Variants in ITGB8 observed in about 807,000 individuals in gnomAD.
ITGB8 encodes the protein integrin beta-8.
ITGB8 carries 30 observed loss-of-function variants against 89.5 expected under a neutral mutation model. The ratio of observed to expected loss-of-function variants is 0.34; its 90% confidence interval spans 0.25 to 0.45. ITGB8 has a LOEUF of 0.45. Ranked by LOEUF, ITGB8 falls within the 20% of genes least tolerant of loss-of-function variation. The pLI is 1.00. For synonymous variants in ITGB8, 335 were observed against 320.4 expected, an observed-to-expected ratio of 1.05 and a Z score of -0.49; for missense variants, 836 against 933.3, an observed-to-expected ratio of 0.90 and a Z score of 1.36.
Position 20,345,609 on chromosome 7 carries a change from G to A in ITGB8, c.127+13676G>A, listed in dbSNP as rs550255144. Among the ~76,000 whole-genome samples the A allele has an allele frequency of 2.6e-5, 4 of 151,984 alleles. No homozygotes were observed. In the South Asian group the frequency reaches 8.3e-4, roughly 32 times the overall value. Reference sequence around the variant, plus strand: ...CTGGAGAAAGGGTAGAGAGATGAGAGGCTATGAAGCAATGTGAGAAATTTT... The same window carrying A: ...CTGGAGAAAGGGTAGAGAGATGAGAAGCTATGAAGCAATGTGAGAAATTTT... On this transcript the variant is annotated intron_variant, in intron 1 of 13. Coordinates refer to ENST00000222573, the MANE Select transcript of ITGB8 (RefSeq NM_002214.3).
chr7:20,361,935 G>A (rs1436279228), intron 1 of ITGB8, among the ~76,000 whole-genome samples: 2 of 152,164 alleles, frequency 1.3e-5, no homozygotes, highest in Non-Finnish European at 2.9e-5. Context: ...TTTGGACAAT[G>A]TATACACAAA....
At chr7:20,359,525 C>A (rs1785421496) in intron 1 of ITGB8, among the ~76,000 whole-genome samples, 1 of 152,116 alleles carries the variant, frequency 6.6e-6, no homozygotes, top group African/African-American at 2.4e-5. Flanking sequence ...GATGGGAGGG[C>A]AAATGAACTA....
intron 6 of ITGB8, among the ~76,000 whole-genome samples, chr7:20,387,981 T>C (rs780353834): frequency 2.6e-5 from 4 of 152,220 alleles, no homozygotes; most frequent in Non-Finnish European, 4.4e-5. Flanking sequence ...CAATATTCCA[T>C]ACTATAAATT....
intron 1 of ITGB8, among the ~76,000 whole-genome samples, chr7:20,343,583 A>C (rs1347310207): frequency 6.6e-6 from 1 of 152,240 alleles, no homozygotes; most frequent in Admixed American, 6.5e-5. Flanking sequence ...AATTACAAAA[A>C]AAAATTCAGG....
rs191595052 is a variant in ITGB8, at chr7:20,339,152, A to G, written c.127+7219A>G. Among the ~76,000 whole-genome samples, 119 of 147,246 alleles carry G rather than the reference A, an allele frequency of 8.1e-4. 1 individual carries two copies. Among genetic ancestry groups the G allele is most frequent in the Middle Eastern group, 3.7e-3 (1 of 272 alleles). On this transcript the variant is annotated intron_variant, in intron 1 of 13. Coordinates refer to ENST00000222573, the MANE Select transcript of ITGB8 (RefSeq NM_002214.3). ...GGTTGCAGTGAGCCGAGATCGTGCC[A>G]TTGCTCTCCAGCCTGGCGACAGAGC...
rs1385561887 is a variant in ITGB8, at chr7:20,398,949, A to C, written c.1236A>C (p.Arg412Ser). The C allele has an allele frequency of 6.2e-7, 1 of 1,613,748 alleles. No individual in the cohort carries two copies. Among genetic ancestry groups the C allele is most frequent in the South Asian group, 1.1e-5 (1 of 90,962 alleles). Residue 412 changes from arginine to serine, a missense_variant, in exon 9 of 14, where the codon AGA becomes AGC. Transcript: ENST00000222573. ...CCGCCATCTGTCCAGATGGGTCCAG[A>C]AAGCCAGGCATGGAAGGATGCAGAA... ...NITAICPDGS[R>S]KPGMEGCRNV...
At chr7:20,342,993 A>C (rs917274719) in intron 1 of ITGB8, among the ~76,000 whole-genome samples, 3 of 152,170 alleles carry the variant, frequency 2.0e-5, no homozygotes, top group Admixed American at 6.5e-5. Flanking sequence ...TGTTTTTCCC[A>C]TTCAAATATA....
chr7:20,368,741 G>A (rs1785807234), intron 3 of ITGB8, among the ~76,000 whole-genome samples: 1 of 151,922 alleles, frequency 6.6e-6, no homozygotes, highest in South Asian at 2.1e-4. Context: ...GCTCCTTCGT[G>A]CACACTGAAT....
At chr7:20,394,805 A>G (rs1398492795) in intron 7 of ITGB8, 91 bp from the exon 8 acceptor site, 1 of 888,500 alleles carries the variant, frequency 1.1e-6, no homozygotes, top group African/African-American at 1.7e-5. Context: ...TTCACCTTCA[A>G]CTGATAACTA....
At chr7:20,356,158 T>C (rs1264891275) in intron 1 of ITGB8, among the ~76,000 whole-genome samples, 2 of 152,192 alleles carry the variant, frequency 1.3e-5, no homozygotes, top group African/African-American at 4.8e-5. Context: ...TTTGTTTTGT[T>C]TCCTGTACCT....
At chr7:20,332,831 T>C (rs1268724961) in intron 1 of ITGB8, among the ~76,000 whole-genome samples, 1 of 152,152 alleles carries the variant, frequency 6.6e-6, no homozygotes, top group African/African-American at 2.4e-5. Context: ...AACTAAGTAA[T>C]AGGACGAATC....
intron 8 of ITGB8, among the ~76,000 whole-genome samples, chr7:20,397,378 C>T (rs370607790): frequency 9.2e-5 from 14 of 152,246 alleles, no homozygotes; most frequent in South Asian, 4.2e-4. Flanking sequence ...AGGCGTATCA[C>T]GCACACCCGG....
chr7:20,372,938 T>C (rs1785993062), intron 3 of ITGB8, among the ~76,000 whole-genome samples: 1 of 152,150 alleles, frequency 6.6e-6, no homozygotes, highest in Non-Finnish European at 1.5e-5. Flanking sequence ...TAAAGCTAAA[T>C]GTTGGCAACC....
chr7:20,385,693 T>C (rs1472646925), intron 6 of ITGB8, among the ~76,000 whole-genome samples: 1 of 152,236 alleles, frequency 6.6e-6, no homozygotes, highest in African/African-American at 2.4e-5. Context: ...GGAAGCTTTC[T>C]TTTTACTATG....
chr7:20,391,178 C>T (rs75627607), intron 6 of ITGB8, among the ~76,000 whole-genome samples: 3,386 of 152,010 alleles, frequency 0.022, 131 homozygotes, highest in African/African-American at 0.077. Flanking sequence ...ATTCAGCTCT[C>T]TTCATCTTTT....
In ITGB8 at chr7:20,408,521, C is replaced by T. The variant is rs1022811613; in HGVS notation, c.2024-1094C>T. On this transcript the variant is annotated intron_variant, in intron 12 of 13. Coordinates refer to ENST00000222573, the MANE Select transcript of ITGB8 (RefSeq NM_002214.3). ...CCCAAATCACCCAGGATTGGTTGGG[C>T]GGTCCACTATGCTAAGCCTTGGCAG... 4.8e-4 allele frequency among the ~76,000 whole-genome samples: 73 copies of T among 152,252 alleles called. 1 individual carries two copies. The highest frequency in any genetic ancestry group is 1.6e-3 in the African/African-American group (66 of 41,552).
At chr7:20,376,171 G>A (rs185223046) in intron 3 of ITGB8, among the ~76,000 whole-genome samples, 45 of 152,246 alleles carry the variant, frequency 3.0e-4, no homozygotes, top group African/African-American at 9.6e-4. Flanking sequence ...GGGATCCATG[G>A]TCTATCAGGA....
rs931117313 is a variant in ITGB8, at chr7:20,360,153, A to C, written c.128-3484A>C. Among the ~76,000 whole-genome samples the C allele has an allele frequency of 1.1e-4, 16 of 152,288 alleles. No individual in the cohort carries two copies. The South Asian group carries it at 3.1e-3, about 30-fold the overall frequency. ...GATGGGAACTAGAACTTTTTAAAGA[A>C]AAGAATCAGAATACAAAGAAAACAG... is the stretch of plus-strand genomic sequence containing the variant. On this transcript the variant is annotated intron_variant, in intron 1 of 13. Transcript: ENST00000222573.
chr7:20,401,198 C>T (rs181703407), intron 9 of ITGB8, among the ~76,000 whole-genome samples: 9 of 152,180 alleles, frequency 5.9e-5, no homozygotes, highest in Admixed American at 5.9e-4. Flanking sequence ...AGGCTGATCT[C>T]GAACTCCTGA....
Sources: allele counts gnomAD v4.1 joint callset (sites outside exome capture counted in the v4.1 genomes callset), GRCh38; gene constraint gnomAD v4.1.1; transcripts MANE v1.5; gene names NCBI Gene and HGNC (gene_info 2026-07-23, HGNC 2026-07-21).